SAP30BP: variants seen among roughly 807,000 people sequenced by gnomAD.
SAP30BP encodes the protein SAP30 binding protein.
In SAP30BP, 31 loss-of-function variants were observed where a neutral mutation model predicts 46.3. That is an observed-to-expected ratio of 0.67 (90% CI 0.50 to 0.90). SAP30BP has a LOEUF of 0.90. Among genes scored for constraint, SAP30BP ranks in the 40% least tolerant of loss-of-function variants. The pLI, the probability that SAP30BP is intolerant of heterozygous loss-of-function variation, is 0.00. For missense variants in SAP30BP, 312 were observed against 391.0 expected (o/e 0.80, Z 1.70); for synonymous variants, 169 against 144.2 (o/e 1.17, Z -1.23).
intron 3 of SAP30BP, among the ~76,000 whole-genome samples, chr17:75,674,679 T>C (rs1026020836): frequency 6.8e-6 from 1 of 147,460 alleles, no homozygotes; most frequent in Non-Finnish European, 1.5e-5. Flanking sequence ...GCATATGAAG[T>C]TTTTTTGTTT....
chr17:75,674,866 A>AT (rs958873921), intron 3 of SAP30BP, among the ~76,000 whole-genome samples: 35 of 149,116 alleles, frequency 2.3e-4, no homozygotes, highest in African/African-American at 6.4e-4. Flanking sequence ...ACACCTAGCA[A>AT]TTTTTTTTAA....
At chr17:75,688,964 C>T (rs1010436060) in intron 3 of SAP30BP, among the ~76,000 whole-genome samples, 3 of 152,060 alleles carry the variant, frequency 2.0e-5, no homozygotes, top group Non-Finnish European at 4.4e-5. Context: ...GTGCCGCAGC[C>T]GCCTCCTGCT....
In SAP30BP at chr17:75,667,435, G is replaced by A; in HGVS notation, c.63G>A (p.Glu21=). The change falls in exon 1 of 11, where the codon GAG becomes GAA. Residue 21 remains glutamate, a synonymous_variant. Coordinates refer to ENST00000584667, the MANE Select transcript of SAP30BP (RefSeq NM_013260.8). ...LAVYAEDSEP[E]SDGEAGIEAV... is the part of the protein sequence containing the mutation. ...TTTACGCGGAAGATTCAGAGCCCGA[G>A]TCTGATGGCGAGGCTGGAATCGAGG... 1.2e-6 allele frequency: 2 copies of A among 1,614,256 alleles called. No individual in the cohort carries two copies. The highest frequency in any genetic ancestry group is 1.1e-5 in the South Asian group (1 of 91,088).
chr17:75,676,832 A>G (rs190452002), intron 3 of SAP30BP, among the ~76,000 whole-genome samples: 3 of 152,326 alleles, frequency 2.0e-5, no homozygotes, highest in Admixed American at 6.5e-5. Flanking sequence ...ATTAAACTTT[A>G]TCATAGGTAT....
chr17:75,668,660 G>A (rs187214328), intron 2 of SAP30BP, 35 bp downstream of exon 2: 2,544 of 1,378,918 alleles, frequency 1.8e-3, no homozygotes, highest in Non-Finnish European at 2.4e-3. Context: ...GCTACTGAAA[G>A]CACAATTTCA....
chr17:75,671,877 G>A lies in SAP30BP; in HGVS notation c.264+14G>A. The A allele has an allele frequency of 2.5e-6, 4 of 1,610,826 alleles. No individual in the cohort carries two copies. Among genetic ancestry groups the A allele is most frequent in the Non-Finnish European group, 3.4e-6 (4 of 1,177,040 alleles). ...GATGACCCAAAGGTATTTGGTGTTG[G>A]CTGTGGTGGGTGGCTGGATGCAAAC... On this transcript the variant is annotated intron_variant, in intron 3 of 10. Coordinates refer to ENST00000584667, the MANE Select transcript of SAP30BP (RefSeq NM_013260.8).
rs1287124249 is a variant in SAP30BP, at chr17:75,706,640, G to A, written c.*119G>A. 3 of 945,164 alleles carry A rather than the reference G, an allele frequency of 3.2e-6. No homozygotes were observed. The highest frequency in any genetic ancestry group is 3.3e-5 in the African/African-American group (2 of 60,446). The allele number at this position is 945,164 out of a possible 1,614,324, so 58.5% of individuals were successfully genotyped here. On this transcript the variant is annotated 3_prime_UTR_variant, in exon 11 of 11. Transcript: ENST00000584667. The surrounding 1 kb of genome is among the most constrained non-coding windows in gnomAD (Gnocchi z 4.6). The stretch of plus-strand genomic sequence containing the variant: ...CTACTCCCCAGATGCCACCTGAGAG[G>A]AGCTTCTGTTTGGCATTCCAGATGG...
chr17:75,686,384 C>T (rs910158315), intron 3 of SAP30BP, among the ~76,000 whole-genome samples: 1 of 152,024 alleles, frequency 6.6e-6, no homozygotes, highest in African/African-American at 2.4e-5. Context: ...GGCGTGGTGG[C>T]GGGCGCCTAT....
At chr17:75,679,888 T>C (rs1390569072) in intron 3 of SAP30BP, 3 of 152,118 alleles carry the variant, frequency 2.0e-5, no homozygotes, top group South Asian at 2.1e-4. Flanking sequence ...TTCCTCCCCC[T>C]GTTTACCTTT....
intron 4 of SAP30BP, among the ~76,000 whole-genome samples, chr17:75,694,320 G>A (rs1263954680): frequency 6.6e-6 from 1 of 152,134 alleles, no homozygotes; most frequent in Admixed American, 6.5e-5. Flanking sequence ...CCTTTCTGCT[G>A]GGAGTTCTGC....
At chr17:75,674,539 G>T (rs1182789618) in intron 3 of SAP30BP, among the ~76,000 whole-genome samples, 2 of 151,742 alleles carry the variant, frequency 1.3e-5, no homozygotes, top group Non-Finnish European at 2.9e-5. Flanking sequence ...CAAGTGATAG[G>T]CCCGCCTCTG....
In SAP30BP at chr17:75,706,073, T is replaced by C; in HGVS notation, c.726T>C (p.Thr242=). The C allele has an allele frequency of 1.2e-6, 2 of 1,613,142 alleles. No homozygotes were observed. ...TTNATSTTTT[T]ASTAVADAQK... ...ACGCCACGTCCACCACCACTACCAC[T>C]GCCAGCACAGCTGTTGCAGGTAGAT... Residue 242 remains threonine, a synonymous_variant, in exon 10 of 11, where the codon ACT becomes ACC. Coordinates refer to ENST00000584667, the MANE Select transcript of SAP30BP (RefSeq NM_013260.8). The surrounding 1 kb of genome is among the most constrained non-coding windows in gnomAD (Gnocchi z 4.6).
Position 75,706,277 on chromosome 17 carries a change from G to A in SAP30BP, c.746-63G>A. The A allele has an allele frequency of 6.4e-7, 1 of 1,569,740 alleles. No individual in the cohort carries two copies. Among genetic ancestry groups the A allele is most frequent in the Non-Finnish European group, 8.7e-7 (1 of 1,151,874 alleles). On this transcript the variant is annotated intron_variant, in intron 10 of 10. Coordinates refer to ENST00000584667, the MANE Select transcript of SAP30BP (RefSeq NM_013260.8). This position sits in a 1 kb window ranked among gnomAD's most constrained non-coding sequence, Gnocchi z 4.6. ...CCCTAGACTCCCGCTGGCCTGCAGG[G>A]GGAAGGGAAAGAGGGCACCGCTCAT...
At chr17:75,669,312 C>G (rs1210345298) in intron 2 of SAP30BP, among the ~76,000 whole-genome samples, 1 of 152,060 alleles carries the variant, frequency 6.6e-6, no homozygotes, top group Non-Finnish European at 1.5e-5. Flanking sequence ...GGTGCGATCT[C>G]TGCTCACTGC....
At position 75,686,244 on chromosome 17, in the gene SAP30BP, G is replaced by A. The variant is rs528088362; in HGVS notation, c.265-7196G>A. 4.6e-5 allele frequency among the ~76,000 whole-genome samples: 7 copies of A among 152,032 alleles called. No homozygotes were observed. In the East Asian group the frequency reaches 1.4e-3, roughly 30 times the overall value. ...AAACCTTCTGTGGTTGGGGCCGGGCGCAGTGGCTCACGCCTGTAATCTCAG... is the reference window on the plus strand; with the variant it reads ...AAACCTTCTGTGGTTGGGGCCGGGCACAGTGGCTCACGCCTGTAATCTCAG... On this transcript the variant is annotated intron_variant, in intron 3 of 10. Coordinates refer to ENST00000584667, the MANE Select transcript of SAP30BP (RefSeq NM_013260.8).
chr17:75,699,356 T>A (rs1455859039), intron 4 of SAP30BP, among the ~76,000 whole-genome samples: 2 of 152,144 alleles, frequency 1.3e-5, no homozygotes, highest in Non-Finnish European at 2.9e-5. Flanking sequence ...ACCATGCCAG[T>A]TGCTTTTGTA....
At chr17:75,703,704 G>A (rs2060450431) in intron 7 of SAP30BP, 104 bp from the exon 8 acceptor site, 10 of 1,031,776 alleles carry the variant, frequency 9.7e-6, no homozygotes, top group Middle Eastern at 2.2e-4. Context: ...GCCGAGCCCC[G>A]GGTAAGGGGA....
chr17:75,704,058 C>T (rs558444348), intron 8 of SAP30BP, among the ~76,000 whole-genome samples, 199 bp downstream of exon 8: 4 of 152,296 alleles, frequency 2.6e-5, no homozygotes, highest in East Asian at 1.9e-4. Context: ...GAAGATGGAA[C>T]GTCACGCCAG....
chr17:75,696,897 C>T (rs1290878839), intron 4 of SAP30BP, among the ~76,000 whole-genome samples: 2 of 151,754 alleles, frequency 1.3e-5, no homozygotes, highest in East Asian at 3.9e-4. Flanking sequence ...CCTGCCTCAG[C>T]CTCCCGAGTA....
Sources: gnomAD v4.1 joint callset for allele counts (sites outside exome capture counted in the v4.1 genomes callset) on GRCh38, gnomAD v4.1.1 for gene constraint, Gnocchi (gnomAD v3.1) non-coding constraint, MANE v1.5 for transcripts, NCBI Gene and HGNC (gene_info 2026-07-23, HGNC 2026-07-21) for gene names.